Variants in CTNND2 observed in about 807,000 individuals in gnomAD.
CTNND2 encodes catenin delta 2, also known as catenin delta-2.
Under a neutral mutation model 144.4 loss-of-function variants are expected in CTNND2, and 22 were observed. The observed-to-expected ratio is 0.15, with a 90% CI of 0.11 to 0.22. CTNND2 has a LOEUF of 0.22. Ranked by LOEUF, CTNND2 falls within the 10% of genes least tolerant of loss-of-function variation. CTNND2 has a pLI of 1.00. For synonymous variants in CTNND2, 751 were observed against 695.6 expected (o/e 1.08, Z -1.25); for missense variants, 1,353 against 1,618.8 (o/e 0.84, Z 2.82).
At chr5:11,854,045 G>T (rs1389874180) in intron 1 of CTNND2, among the ~76,000 whole-genome samples, 1 of 152,172 alleles carries the variant, frequency 6.6e-6, no homozygotes, top group African/African-American at 2.4e-5. Context: ...TGGAAAACCT[G>T]GCTGAGCATT....
intron 8 of CTNND2, among the ~76,000 whole-genome samples, chr5:11,350,751 A>C (rs1755245820): frequency 6.6e-6 from 1 of 152,238 alleles, no homozygotes; most frequent in Admixed American, 6.5e-5. Context: ...AGGACAGGTT[A>C]TATAATCATA....
At chr5:11,029,492 T>A (rs1481476267) in intron 16 of CTNND2, among the ~76,000 whole-genome samples, 3 of 152,248 alleles carry the variant, frequency 2.0e-5, no homozygotes, top group Admixed American at 6.5e-5. Context: ...ACATTTAACA[T>A]TATACCATTA....
intron 2 of CTNND2, among the ~76,000 whole-genome samples, chr5:11,651,168 A>C (rs1782630510): frequency 6.6e-6 from 1 of 152,138 alleles, no homozygotes; most frequent in South Asian, 2.1e-4. Context: ...GTGCGACCTC[A>C]GGACACTGCT....
At chr5:11,381,611 T>C (rs2149794301) in intron 7 of CTNND2, among the ~76,000 whole-genome samples, 1 of 152,358 alleles carries the variant, frequency 6.6e-6, no homozygotes, top group Middle Eastern at 3.4e-3. Flanking sequence ...TCAGGACAGA[T>C]TCAAAGTTAC....
intron 1 of CTNND2, among the ~76,000 whole-genome samples, chr5:11,889,172 A>G (rs1325501714): frequency 1.3e-5 from 2 of 152,186 alleles, no homozygotes; most frequent in African/African-American, 4.8e-5. Flanking sequence ...GTAACTAGAC[A>G]GCATGCAGAA....
intron 2 of CTNND2, among the ~76,000 whole-genome samples, chr5:11,605,291 G>A (rs1054554491): frequency 4.6e-5 from 7 of 152,154 alleles, no homozygotes; most frequent in African/African-American, 1.4e-4. Flanking sequence ...CAATGACCAC[G>A]TTTATGTCAA....
At chr5:11,311,131 C>A (rs1194092373) in intron 9 of CTNND2, among the ~76,000 whole-genome samples, 7 of 144,328 alleles carry the variant, frequency 4.9e-5, no homozygotes, top group Non-Finnish European at 9.1e-5. Flanking sequence ...CTCACATGCA[C>A]ATACACTGTC....
intron 1 of CTNND2, among the ~76,000 whole-genome samples, chr5:11,795,075 A>G (rs1412455747): frequency 6.6e-6 from 1 of 152,198 alleles, no homozygotes; most frequent in Non-Finnish European, 1.5e-5. Flanking sequence ...GGGACCATAA[A>G]TATTCATTTA....
chr5:11,072,755 T>C (rs958773594), intron 16 of CTNND2, among the ~76,000 whole-genome samples: 9 of 152,208 alleles, frequency 5.9e-5, no homozygotes, highest in African/African-American at 1.9e-4. Context: ...CAGACCAGCA[T>C]CCCATATCCG....
intron 3 of CTNND2, among the ~76,000 whole-genome samples, chr5:11,445,504 A>G (rs909232702): frequency 1.8e-4 from 27 of 152,272 alleles, no homozygotes; most frequent in Admixed American, 1.5e-3. Flanking sequence ...GGAGTCTCCA[A>G]AGCAAAGCGG....
At chr5:11,323,233 G>GC (rs71595816) in intron 9 of CTNND2, among the ~76,000 whole-genome samples, 14 of 118,110 alleles carry the variant, frequency 1.2e-4, no homozygotes, top group East Asian at 3.0e-4. Flanking sequence ...TTAGAGATTG[G>GC]GGGGGGGGGT....
chr5:11,245,676 G>A lies in CTNND2; in HGVS notation c.1629-8853C>T, dbSNP rs181023040. Among the ~76,000 whole-genome samples the A allele has an allele frequency of 2.0e-3, 300 of 152,248 alleles. 1 individual carries two copies. The highest frequency in any genetic ancestry group is 6.8e-3 in the African/African-American group (283 of 41,540). ...GGATTTCTGGCCTCCAAAACTGTAC[G>A]AGAATAAATGTGTGTTGTTTTAAGC... On this transcript the variant is annotated intron_variant, in intron 9 of 21. Coordinates refer to ENST00000304623, the MANE Select transcript of CTNND2 (RefSeq NM_001332.4).
At chr5:11,720,869 A>T (rs1432883163) in intron 2 of CTNND2, among the ~76,000 whole-genome samples, 2 of 152,196 alleles carry the variant, frequency 1.3e-5, no homozygotes, top group Non-Finnish European at 2.9e-5. Context: ...GGATGTGAAG[A>T]TATTGTAATC....
At chr5:11,797,642 G>C (rs1031120336) in intron 1 of CTNND2, among the ~76,000 whole-genome samples, 1 of 152,092 alleles carries the variant, frequency 6.6e-6, no homozygotes, top group Non-Finnish European at 1.5e-5. Context: ...TCTGAATGTG[G>C]AAATTTTATA....
At chr5:11,310,858 C>G (rs899296600) in intron 9 of CTNND2, among the ~76,000 whole-genome samples, 3 of 144,846 alleles carry the variant, frequency 2.1e-5, no homozygotes, top group Non-Finnish European at 4.5e-5. Context: ...TACTTACACT[C>G]ATACACTCAC....
intron 11 of CTNND2, among the ~76,000 whole-genome samples, chr5:11,186,078 C>G (rs1186555095): frequency 6.6e-6 from 1 of 152,204 alleles, no homozygotes; most frequent in Non-Finnish European, 1.5e-5. Flanking sequence ...TTCCTTTAAG[C>G]CTTTATACAA....
chr5:11,754,107 T>C (rs573755490), intron 1 of CTNND2, among the ~76,000 whole-genome samples: 1 of 151,714 alleles, frequency 6.6e-6, no homozygotes, highest in East Asian at 1.9e-4. Flanking sequence ...ATCTTATTTA[T>C]TCTTTCAAAT....
chr5:11,787,322 G>T (rs1790888521), intron 1 of CTNND2, among the ~76,000 whole-genome samples: 1 of 152,120 alleles, frequency 6.6e-6, no homozygotes, highest in Non-Finnish European at 1.5e-5. Context: ...TAACAACTCG[G>T]CAAGATTTGA....
intron 2 of CTNND2, among the ~76,000 whole-genome samples, chr5:11,649,924 C>A: frequency 6.6e-6 from 1 of 152,088 alleles, no homozygotes; most frequent in Non-Finnish European, 1.5e-5. Context: ...AAAACCAAGA[C>A]ACAGAGAGGT....
Sources: gnomAD v4.1 joint callset for allele counts (sites outside exome capture counted in the v4.1 genomes callset) on GRCh38, gnomAD v4.1.1 for gene constraint, MANE v1.5 for transcripts, NCBI Gene and HGNC (gene_info 2026-07-23, HGNC 2026-07-21) for gene names.